The following STK4 variants were observed in gnomAD, a reference collection of about 807,000 sequenced individuals.
STK4 encodes the protein serine/threonine kinase 4.
A neutral mutation model predicts 64.9 loss-of-function variants in STK4; 30 were observed. That is an observed-to-expected ratio of 0.46 (90% CI 0.35 to 0.63). The LOEUF (loss-of-function observed/expected upper bound fraction) is 0.63, where lower values mean the gene tolerates loss of function less well. Ranked by LOEUF, STK4 falls within the 20% of genes least tolerant of loss-of-function variation. The pLI is 0.01. For missense variants in STK4, 466 were observed against 598.5 expected, an observed-to-expected ratio of 0.78 and a Z score of 2.31; for synonymous variants, 177 against 199.0, an observed-to-expected ratio of 0.89 and a Z score of 0.93.
At chr20:45,063,194 G>A (rs1402804196) in intron 10 of STK4, among the ~76,000 whole-genome samples, 1 of 150,428 alleles carries the variant, frequency 6.6e-6, no homozygotes, top group Non-Finnish European at 1.5e-5. Context: ...TTTTTGTAGA[G>A]ATGGGGTTTC....
rs201769432 is a variant in STK4, at chr20:45,000,505, C to T, written c.945C>T (p.Asp315=). 13 of 1,613,828 alleles carry T rather than the reference C, an allele frequency of 8.1e-6. No homozygotes were observed. Among genetic ancestry groups the T allele is most frequent in the Admixed American group, 1.7e-5 (1 of 59,980 alleles). ...CCCAGCAGCGGGAAGTGGACCAGGA[C>T]GATGAAGAAAACTCAGTGAGTGGCA... The part of the protein sequence containing the change: ...QESQQREVDQ[D]DEENSEEDEM... Residue 315 remains aspartate, a synonymous_variant, in exon 8 of 11, where the codon GAC becomes GAT. Coordinates refer to ENST00000372806, the MANE Select transcript of STK4 (RefSeq NM_006282.5).
chr20:45,010,168 A>G (rs2068019232), intron 9 of STK4, among the ~76,000 whole-genome samples: 1 of 152,028 alleles, frequency 6.6e-6, no homozygotes, highest in African/African-American at 2.4e-5. Context: ...TCCTGGGTTC[A>G]AGCAATTCTC....
chr20:45,042,232 T>G (rs1471855062), intron 10 of STK4, among the ~76,000 whole-genome samples: 1 of 152,214 alleles, frequency 6.6e-6, no homozygotes, highest in African/African-American at 2.4e-5. Context: ...TTTGAGCTGT[T>G]GAAGATATTT....
Position 44,987,205 on chromosome 20 carries a change from A to G in STK4, c.434A>G (p.Lys145Arg), listed in dbSNP as rs2145665506. 1 of 1,613,022 alleles carries G rather than the reference A, an allele frequency of 6.2e-7. No individual in the cohort carries two copies. The highest frequency in any genetic ancestry group is 2.2e-5 in the East Asian group (1 of 44,780). ...CTTGAATACCTTCATTTTATGAGAA[A>G]AATACACCGAGATATCAAGGCAGGA... is the stretch of plus-strand genomic sequence containing the variant. Reference protein sequence around the residue: ...KGLEYLHFMRKIHRDIKAGNI... With the variant: ...KGLEYLHFMRRIHRDIKAGNI... The change falls in exon 5 of 11, where the codon AAA (lysine) becomes AGA (arginine). Residue 145 changes from lysine (K) to arginine (R), a missense_variant. Physicochemically the swap from Lys to Arg is conservative, Grantham distance 26 (BLOSUM62 2). Around this residue, in one of 2 missense-constraint regions of STK4, gnomAD observed 190 missense variants for 289.7 expected, o/e 0.66. Transcript: ENST00000372806.
chr20:45,012,455 T>G (rs555462670), intron 9 of STK4, among the ~76,000 whole-genome samples: 2 of 152,370 alleles, frequency 1.3e-5, no homozygotes, highest in East Asian at 3.8e-4. Flanking sequence ...GTTAATTCTT[T>G]CTATGCATGA....
intron 8 of STK4, 156 bp downstream of exon 8, chr20:45,000,676 G>A: frequency 9.3e-7 from 1 of 1,077,900 alleles, no homozygotes; most frequent in Non-Finnish European, 1.3e-6. Context: ...CATGCTAGAG[G>A]GTTGTTGTAT....
At chr20:44,992,357 C>T (rs772547126) in intron 5 of STK4, among the ~76,000 whole-genome samples, 6 of 151,832 alleles carry the variant, frequency 4.0e-5, no homozygotes, top group Non-Finnish European at 8.8e-5. Flanking sequence ...CTCCTGGGCT[C>T]AAGCAATCCT....
At chr20:45,041,675 G>A (rs2068615617) in intron 10 of STK4, among the ~76,000 whole-genome samples, 1 of 140,526 alleles carries the variant, frequency 7.1e-6, no homozygotes, top group Non-Finnish European at 1.5e-5. Context: ...CATGTTTTAA[G>A]CGTGTTTAGC....
At chr20:45,053,083 CAGAAAACTAGCCA>C in intron 10 of STK4, 1 of 1,609,874 alleles carries the variant, frequency 6.2e-7, no homozygotes, top group Non-Finnish European at 8.5e-7. Context: ...TCTTTTCTTT[CAGAAAACTAGCCA>C]AGAACAGCAG....
chr20:45,028,342 T>C (rs992613318), intron 10 of STK4, among the ~76,000 whole-genome samples: 3 of 151,370 alleles, frequency 2.0e-5, no homozygotes, highest in Non-Finnish European at 4.4e-5. Flanking sequence ...TTTTTTTTTT[T>C]AAGAGATAGG....
rs77946225 is a variant in STK4 at position 45,043,764 on chromosome 20, A to G, written c.1305+18634A>G. ...AATATTTCAAAATCCTCCAAAATCC[A>G]AAGTTTAAAACACTTCTGGTCCCAA... On this transcript the variant is annotated intron_variant, in intron 10 of 10. Coordinates refer to ENST00000372806, the MANE Select transcript of STK4 (RefSeq NM_006282.5). Among the ~76,000 whole-genome samples, 1,042 of 152,326 alleles carry G rather than the reference A, an allele frequency of 6.8e-3. 28 individuals are homozygous for G. The highest frequency in any genetic ancestry group is 0.058 in the East Asian group (299 of 5,188).
intron 6 of STK4, 53 bp from the exon 7 acceptor site, chr20:44,997,116 A>G (rs983533135): frequency 1.7e-5 from 28 of 1,606,114 alleles, no homozygotes; most frequent in Non-Finnish European, 2.3e-5. Context: ...TTTTTATTGG[A>G]GCATTACTTT....
At chr20:44,977,961 A>G (rs1008460652) in intron 2 of STK4, among the ~76,000 whole-genome samples, 1 of 152,214 alleles carries the variant, frequency 6.6e-6, no homozygotes, top group Non-Finnish European at 1.5e-5. Flanking sequence ...TGGGGAGACA[A>G]CGTAAGCTTT....
intron 7 of STK4, among the ~76,000 whole-genome samples, chr20:45,000,013 AC>A (rs1334946670): frequency 6.6e-6 from 1 of 152,232 alleles, no homozygotes; most frequent in Non-Finnish European, 1.5e-5. Flanking sequence ...GTCGTACAGG[AC>A]AGTTCTGTAC....
intron 10 of STK4, among the ~76,000 whole-genome samples, chr20:45,046,386 G>T (rs570695649): frequency 6.6e-6 from 1 of 151,438 alleles, no homozygotes. Context: ...AGCAAGCCAT[G>T]ACTGTGGCAC....
intron 1 of STK4, among the ~76,000 whole-genome samples, chr20:44,968,139 GTTC>G (rs1302018219): frequency 6.7e-6 from 1 of 148,768 alleles, no homozygotes; most frequent in Non-Finnish European, 1.5e-5. Context: ...CAAAGTCCAT[GTTC>G]TTTTTTTTTT....
intron 9 of STK4, among the ~76,000 whole-genome samples, chr20:45,003,712 A>AT (rs750273528): frequency 0.043 from 5,916 of 136,066 alleles, 415 homozygotes; most frequent in African/African-American, 0.13. Flanking sequence ...ACGTCTCTAA[A>AT]TTTTTTTTTT....
intron 10 of STK4, among the ~76,000 whole-genome samples, chr20:45,051,770 C>G (rs961935996): frequency 2.0e-5 from 3 of 152,140 alleles, no homozygotes; most frequent in Non-Finnish European, 2.9e-5. Context: ...ATGTTTAGGT[C>G]AGGCTTGCAG....
intron 10 of STK4, among the ~76,000 whole-genome samples, chr20:45,053,919 T>TC (rs143181002): frequency 0.021 from 3,267 of 152,130 alleles, 114 homozygotes; most frequent in African/African-American, 0.071. Context: ...GTTTTTTTTT[T>TC]CAGCCAAAAT....
Sources: gnomAD v4.1 joint callset for allele counts (sites outside exome capture counted in the v4.1 genomes callset) on GRCh38, gnomAD v4.1.1 for gene constraint, gnomAD v4.1.1 regional missense constraint, MANE v1.5 for transcripts, NCBI Gene and HGNC (gene_info 2026-07-23, HGNC 2026-07-21) for gene names.